Variants in NME9 observed in about 807,000 individuals in gnomAD.
NME9 encodes the protein NME/NM23 family member 9.
NME9 carries 48 observed loss-of-function variants against 44.4 expected under a neutral mutation model. That is an observed-to-expected ratio of 1.08 (90% confidence interval 0.86 to 1.37). The LOEUF (loss-of-function observed/expected upper bound fraction) is 1.37, where lower values mean the gene tolerates loss of function less well. Among genes scored for constraint, NME9 ranks in the 40% most tolerant of loss-of-function variants. NME9 has a pLI of 0.00. For synonymous variants in NME9, 139 were observed against 147.1 expected, an observed-to-expected ratio of 0.94 and a Z score of 0.40; for missense variants, 325 against 405.2, an observed-to-expected ratio of 0.80 and a Z score of 1.70.
chr3:138,304,815 C>A, intron 9 of NME9, 58 bp downstream of exon 9: 1 of 1,549,504 alleles, frequency 6.5e-7, no homozygotes. Context: ...GAGTGGGACT[C>A]AGCCTCCTGG....
chr3:138,325,095 C>T (rs1159031759), intron 1 of NME9, among the ~76,000 whole-genome samples, 165 bp from the exon 2 acceptor site: 1 of 152,166 alleles, frequency 6.6e-6, no homozygotes, highest in Non-Finnish European at 1.5e-5. Flanking sequence ...CTCCCTTCTT[C>T]CCTACCCAGA....
intron 6 of NME9, among the ~76,000 whole-genome samples, chr3:138,313,127 AC>A (rs2052814187): frequency 6.6e-6 from 1 of 152,160 alleles, no homozygotes; most frequent in Admixed American, 6.5e-5. Context: ...GTGGTGGCTC[AC>A]GCCTGTAATC....
chr3:138,274,594 G>A, intron 8 of NME9: 1 of 1,403,212 alleles, frequency 7.1e-7, no homozygotes. Flanking sequence ...TGAGCACAAA[G>A]GAAGTTCTTA....
At chr3:138,270,462 T>G (rs1190692690) in intron 8 of NME9, among the ~76,000 whole-genome samples, 1 of 152,252 alleles carries the variant, frequency 6.6e-6, no homozygotes, top group East Asian at 1.9e-4. Context: ...AGCACTTTCA[T>G]ATCTCCTTTG....
intron 2 of NME9, among the ~76,000 whole-genome samples, chr3:138,322,087 A>AACCT (rs1268571779): frequency 6.6e-6 from 1 of 152,028 alleles, no homozygotes; most frequent in Admixed American, 6.6e-5. Flanking sequence ...TTTTAATTTC[A>AACCT]ACCTACTACA....
At chr3:138,299,494 C>T (rs561338118), downstream of NME9, among the ~76,000 whole-genome samples, 40 of 152,082 alleles carry the variant, frequency 2.6e-4, no homozygotes, top group Admixed American at 7.2e-4. Context: ...CTAGGGTCTC[C>T]GCCAGTGAGT....
intron 8 of NME9, among the ~76,000 whole-genome samples, chr3:138,268,999 C>T (rs1323707845): frequency 6.6e-6 from 1 of 151,852 alleles, no homozygotes; most frequent in African/African-American, 2.4e-5. Flanking sequence ...AAATATTAAG[C>T]GTAAAAGGGG....
intron 10 of NME9, among the ~76,000 whole-genome samples, chr3:138,302,593 G>C (rs1209261264): frequency 5.3e-5 from 8 of 152,210 alleles, no homozygotes. Flanking sequence ...CCCAGCCTCT[G>C]TGGCACGCTC....
At chr3:138,320,642 T>C (rs1577196123) in intron 2 of NME9, among the ~76,000 whole-genome samples, 1 of 152,324 alleles carries the variant, frequency 6.6e-6, no homozygotes, top group East Asian at 1.9e-4. Flanking sequence ...CACTGTTCTA[T>C]AGTAACCAGG....
chr3:138,328,097 C>G (rs934210876), intron 1 of NME9, among the ~76,000 whole-genome samples: 9 of 152,122 alleles, frequency 5.9e-5, no homozygotes, highest in African/African-American at 2.2e-4. Flanking sequence ...ATGGTAGGAC[C>G]AGTTGATCAG....
chr3:138,287,222 C>T (rs1391233750), intron 8 of NME9, among the ~76,000 whole-genome samples: 1 of 152,220 alleles, frequency 6.6e-6, no homozygotes, highest in Non-Finnish European at 1.5e-5. Context: ...AATCCAGAGT[C>T]CTTACTGTGG....
In NME9 at chr3:138,319,690, C is replaced by T. The variant is rs539608527; in HGVS notation, c.92-109G>A. On this transcript the variant is annotated intron_variant, in intron 2 of 10. Coordinates refer to ENST00000333911, the MANE Select transcript of NME9 (RefSeq NM_001349018.2). ...CCCCCTCAAATGGACATTCATTTGC[C>T]GGGATATCTAATGGTTAAAGGGATT... The T allele has an allele frequency of 2.3e-5, 15 of 662,354 alleles. 1 individual carries two copies. The highest frequency in any genetic ancestry group is 1.5e-4 in the South Asian group (9 of 58,784). 41.0% of individuals were successfully genotyped at this position (662,354 alleles called of 1,614,324 possible). A position where few individuals can be genotyped will look rare whatever the true frequency, so the allele number is the denominator to read the frequency against.
intron 8 of NME9, among the ~76,000 whole-genome samples, chr3:138,268,552 G>A (rs915646531): frequency 6.6e-6 from 1 of 152,104 alleles, no homozygotes; most frequent in Non-Finnish European, 1.5e-5. Context: ...TCACTAATAC[G>A]ATTTTTTTAT....
At chr3:138,308,945 GAAAAAAAAAAA>G (rs1002890235) in intron 6 of NME9, among the ~76,000 whole-genome samples, 2 of 52,898 alleles carry the variant, frequency 3.8e-5, no homozygotes, top group East Asian at 7.5e-4. Context: ...AATACTGAAA[GAAAAAAAAAAA>G]AAAAAAAAAA....
intron 8 of NME9, among the ~76,000 whole-genome samples, chr3:138,294,789 C>A (rs1358582506): frequency 2.0e-5 from 3 of 152,126 alleles, no homozygotes; most frequent in African/African-American, 7.2e-5. Flanking sequence ...GTAAAGGAGG[C>A]CTCCTTGGGC....
intron 8 of NME9, chr3:138,273,177 G>GCT (rs746523506): frequency 2.2e-4 from 326 of 1,495,040 alleles, no homozygotes; most frequent in Non-Finnish European, 1.8e-4. Context: ...GCAAGACATT[G>GCT]CTCTCTCTCT....
chr3:138,315,470 T>G, intron 5 of NME9, 57 bp downstream of exon 5: 1 of 1,190,174 alleles, frequency 8.4e-7, no homozygotes, highest in South Asian at 1.3e-5. Context: ...GGACTGCTGA[T>G]CTCGCCCTAC....
intron 1 of NME9, among the ~76,000 whole-genome samples, chr3:138,328,936 A>G (rs759883844): frequency 1.1e-4 from 17 of 152,228 alleles, no homozygotes; most frequent in Admixed American, 2.6e-4. Context: ...TCTCTGTGCA[A>G]GCTGCAGTTG....
chr3:138,288,875 C>T (rs2050679769), intron 8 of NME9: 1 of 554,026 alleles, frequency 1.8e-6, no homozygotes. Context: ...TGACCTCGAT[C>T]TTCCACCTGC....
Sources: allele counts gnomAD v4.1 joint callset (sites outside exome capture counted in the v4.1 genomes callset), GRCh38; gene constraint gnomAD v4.1.1; transcripts MANE v1.5; gene names NCBI Gene and HGNC (gene_info 2026-07-23, HGNC 2026-07-21).